Variants in UGGT1 observed in about 807,000 individuals in gnomAD.
UGGT1 encodes the protein UDP-glucose glycoprotein glucosyltransferase 1.
Under a neutral mutation model 203.9 loss-of-function variants are expected in UGGT1, and 107 were observed. The observed-to-expected ratio is 0.52, with a 90% CI of 0.45 to 0.62. The LOEUF is 0.62. Ranked by LOEUF, UGGT1 falls within the 20% of genes least tolerant of loss-of-function variation. The probability of loss-of-function intolerance (pLI) is 0.00; values close to 1 mark genes in which losing one functional copy is unlikely to be tolerated. For synonymous variants in UGGT1, 628 were observed against 653.5 expected (o/e 0.96, Z 0.59); for missense variants, 1,673 against 1,867.2 (o/e 0.90, Z 1.92).
chr2:128,187,745 C>A, intron 40 of UGGT1, 131 bp downstream of exon 40: 1 of 1,019,456 alleles, frequency 9.8e-7, no homozygotes, highest in Non-Finnish European at 1.4e-6. Context: ...CTAACATCAA[C>A]CAGTATATAT....
At chr2:128,114,353 G>T (rs1356575730) in intron 6 of UGGT1, among the ~76,000 whole-genome samples, 1 of 152,012 alleles carries the variant, frequency 6.6e-6, no homozygotes, top group Admixed American at 6.6e-5. Context: ...CCTGACCTCA[G>T]GTGATCTGAC....
intron 15 of UGGT1, among the ~76,000 whole-genome samples, chr2:128,137,107 T>G (rs1689162815): frequency 6.6e-6 from 1 of 152,234 alleles, no homozygotes; most frequent in African/African-American, 2.4e-5. Flanking sequence ...GTTGTTTTCT[T>G]ATTGTTGAGT....
chr2:128,185,080 A>G (rs1046328867), intron 38 of UGGT1, among the ~76,000 whole-genome samples: 4 of 151,980 alleles, frequency 2.6e-5, no homozygotes, highest in Non-Finnish European at 5.9e-5. Flanking sequence ...TCTTTTGTTC[A>G]TACTGTCTAT....
At chr2:128,175,573 A>G (rs1259799674) in intron 31 of UGGT1, among the ~76,000 whole-genome samples, 1 of 152,232 alleles carries the variant, frequency 6.6e-6, no homozygotes, top group Non-Finnish European at 1.5e-5. Context: ...CACATGAAAC[A>G]GTGGATTAGT....
chr2:128,165,722 CAGATTAT>C (rs529036787), intron 26 of UGGT1, among the ~76,000 whole-genome samples: 31 of 152,006 alleles, frequency 2.0e-4, no homozygotes, highest in African/African-American at 6.3e-4. Context: ...GTAAGATAAA[CAGATTAT>C]TAAAGTACTT....
At chr2:128,126,540 C>A (rs1162564790) in intron 11 of UGGT1, among the ~76,000 whole-genome samples, 1 of 152,028 alleles carries the variant, frequency 6.6e-6, no homozygotes. Flanking sequence ...CTGTGCCCTG[C>A]CCAAAATGTA....
chr2:128,120,435 T>A lies in UGGT1; in HGVS notation c.952T>A (p.Leu318Ile). 6.2e-7 allele frequency: 1 copy of A among 1,613,994 alleles called. No homozygotes were observed. The highest frequency in any genetic ancestry group is 8.5e-7 in the Non-Finnish European group (1 of 1,179,902). ...AGAGAGCACCAATGAAATGGCACCT[T>A]TAAAGGTTTGGCAGTTGCAAGGTAA... ...LVESTNEMAP[L>I]KVWQLQDLSF... The change falls in exon 9 of 41, where the codon TTA (leucine) becomes ATA (isoleucine). Residue 318 changes from leucine (L) to isoleucine (I), a missense_variant. Physicochemically the swap from Leu to Ile is conservative, Grantham distance 5. Transcript: ENST00000259253.
chr2:128,184,507 C>T (rs1046506714), intron 38 of UGGT1, among the ~76,000 whole-genome samples: 3 of 152,080 alleles, frequency 2.0e-5, no homozygotes, highest in African/African-American at 7.2e-5. Flanking sequence ...TATCAGCATC[C>T]CAGAAGCCAT....
At chr2:128,129,985 G>T (rs1464956688) in intron 13 of UGGT1, among the ~76,000 whole-genome samples, 2 of 152,086 alleles carry the variant, frequency 1.3e-5, no homozygotes, top group South Asian at 2.1e-4. Flanking sequence ...ATAGGGCTGG[G>T]CTTGGTGGCT....
At chr2:128,106,328 G>T (rs907294592) in intron 3 of UGGT1, among the ~76,000 whole-genome samples, 6 of 151,932 alleles carry the variant, frequency 3.9e-5, no homozygotes, top group Admixed American at 2.6e-4. Context: ...ATTAATTAAA[G>T]CTATAGGAGT....
intron 12 of UGGT1, 67 bp downstream of exon 12, chr2:128,127,519 A>G: frequency 8.2e-7 from 1 of 1,214,030 alleles, no homozygotes; most frequent in Non-Finnish European, 1.2e-6. Flanking sequence ...ACATGTTCAT[A>G]TTGCCGTTCC....
Position 128,168,108 on chromosome 2 carries a change from AAATTTGGCTTTT to A in UGGT1, c.2922-2178_2922-2167del, listed in dbSNP as rs1224876164. The stretch of plus-strand genomic sequence containing the variant: ...AATTATATTAGGGCAGTGGCTCTCA[AAATTTGGCTTTT>A]ACTTAGAGTTTGTTAAAATGCAGAT... On this transcript the variant is annotated intron_variant, in intron 26 of 40. Coordinates refer to ENST00000259253, the MANE Select transcript of UGGT1 (RefSeq NM_020120.4). 1.2e-4 allele frequency among the ~76,000 whole-genome samples: 19 copies of A among 152,314 alleles called. No homozygotes were observed. In the East Asian group the frequency reaches 1.9e-3, roughly 15 times the overall value.
intron 19 of UGGT1, among the ~76,000 whole-genome samples, chr2:128,154,731 A>G (rs910192378): frequency 6.6e-6 from 1 of 151,884 alleles, no homozygotes. Context: ...GAGCATGTGC[A>G]CAGATGAATA....
chr2:128,187,377 C>T, intron 39 of UGGT1, 72 bp from the exon 40 acceptor site: 1 of 1,531,202 alleles, frequency 6.5e-7, no homozygotes. Flanking sequence ...ACTTGTAACC[C>T]AAGAACCTTT....
At position 128,183,909 on chromosome 2, in the gene UGGT1, G is replaced by GGTGTGTGTGT. The variant is rs558911313; in HGVS notation, c.4359+140_4359+149dup. The GGTGTGTGTGT allele has an allele frequency of 2.8e-3, 956 of 339,264 alleles. 4 individuals are homozygous for GGTGTGTGTGT. The highest frequency in any genetic ancestry group is 4.9e-3 in the South Asian group (114 of 23,272). 21.0% of individuals were successfully genotyped at this position (339,264 alleles called of 1,614,324 possible). A position where few individuals can be genotyped will look rare whatever the true frequency, so the allele number is the denominator to read the frequency against. ...ACAGGATGGCGTCTTGTTTTTTCAT[G>GGTGTGTGTGT]GTGTGTGTGTGTGTGTGTGTGTGTG... On this transcript the variant is annotated intron_variant, in intron 38 of 40. Coordinates refer to ENST00000259253, the MANE Select transcript of UGGT1 (RefSeq NM_020120.4).
chr2:128,128,987 C>A, intron 12 of UGGT1, 42 bp from the exon 13 acceptor site: 1 of 1,475,550 alleles, frequency 6.8e-7, no homozygotes, highest in Admixed American at 2.6e-5. Flanking sequence ...TTTTTAAAAG[C>A]TTTTTTTCCT....
intron 1 of UGGT1, among the ~76,000 whole-genome samples, chr2:128,093,199 T>G (rs1046951327): frequency 2.0e-5 from 3 of 152,284 alleles, no homozygotes; most frequent in African/African-American, 7.2e-5. Context: ...ACACGTACTC[T>G]CTCTCCTTTT....
At chr2:128,097,757 G>T (rs1368330651) in intron 2 of UGGT1, among the ~76,000 whole-genome samples, 193 bp downstream of exon 2, 1 of 152,252 alleles carries the variant, frequency 6.6e-6, no homozygotes, top group Non-Finnish European at 1.5e-5. Flanking sequence ...CAAGGGCTAT[G>T]TGGGTTTATA....
At chr2:128,187,794 TTA>T (rs1424050143) in intron 40 of UGGT1, among the ~76,000 whole-genome samples, 180 bp downstream of exon 40, 4 of 151,934 alleles carry the variant, frequency 2.6e-5, no homozygotes, top group African/African-American at 7.3e-5. Flanking sequence ...TAAACAGTAT[TTA>T]TTAGTGCAAT....
Sources: allele counts gnomAD v4.1 joint callset (sites outside exome capture counted in the v4.1 genomes callset), GRCh38; gene constraint gnomAD v4.1.1; transcripts MANE v1.5; gene names NCBI Gene and HGNC (gene_info 2026-07-23, HGNC 2026-07-21).